The following PARPBP variants were observed in gnomAD, a reference collection of about 807,000 sequenced individuals.
The protein encoded by PARPBP is PARP1 binding protein.
PARPBP carries 52 observed loss-of-function variants against 50.0 expected under a neutral mutation model. The observed-to-expected ratio is 1.04, with a 90% CI of 0.83 to 1.31. PARPBP has a LOEUF of 1.31. Among genes scored for constraint, PARPBP ranks in the 50% most tolerant of loss-of-function variants. PARPBP has a pLI of 0.00. For synonymous variants in PARPBP, 244 were observed against 232.1 expected (o/e 1.05, Z -0.47); for missense variants, 697 against 672.0 (o/e 1.04, Z -0.41).
chr12:102,124,886 T>C (rs1309534984), intron 2 of PARPBP, among the ~76,000 whole-genome samples: 1 of 152,268 alleles, frequency 6.6e-6, no homozygotes, highest in Non-Finnish European at 1.5e-5. Flanking sequence ...TGACAGATTT[T>C]AACCATTTCT....
intron 4 of PARPBP, among the ~76,000 whole-genome samples, chr12:102,159,418 C>T (rs914021541): frequency 6.6e-6 from 1 of 152,140 alleles, no homozygotes; most frequent in African/African-American, 2.4e-5. Flanking sequence ...TGAGCCACCG[C>T]ACCCAGCTGG....
chr12:102,193,826 T>C (rs1648629567), intron 9 of PARPBP, among the ~76,000 whole-genome samples: 1 of 152,064 alleles, frequency 6.6e-6, no homozygotes, highest in African/African-American at 2.4e-5. Context: ...GTTGCATTCA[T>C]AGGGATTCAT....
At chr12:102,142,088 C>G (rs921357425) in intron 2 of PARPBP, among the ~76,000 whole-genome samples, 1 of 152,198 alleles carries the variant, frequency 6.6e-6, no homozygotes, top group African/African-American at 2.4e-5. Context: ...TGTTTTCCAA[C>G]TTGGTTCCAT....
At chr12:102,139,571 G>A (rs1884222214) in intron 2 of PARPBP, among the ~76,000 whole-genome samples, 1 of 152,182 alleles carries the variant, frequency 6.6e-6, no homozygotes, top group African/African-American at 2.4e-5. Flanking sequence ...AGTTTTCAAA[G>A]GGAATGCTTC....
chr12:102,140,857 A>G (rs562026267), intron 2 of PARPBP, among the ~76,000 whole-genome samples: 2 of 152,202 alleles, frequency 1.3e-5, no homozygotes, highest in Non-Finnish European at 2.9e-5. Flanking sequence ...ACAGTCTGTT[A>G]GAATTTCTGT....
At chr12:102,195,169 G>A in intron 9 of PARPBP, 143 bp from the exon 10 acceptor site, 1 of 460,666 alleles carries the variant, frequency 2.2e-6, no homozygotes, top group Non-Finnish European at 3.8e-6. Context: ...AAATATAAAA[G>A]GTTAGAGAGA....
intron 2 of PARPBP, among the ~76,000 whole-genome samples, chr12:102,129,346 G>A (rs1423288235): frequency 6.6e-6 from 1 of 151,610 alleles, no homozygotes; most frequent in Non-Finnish European, 1.5e-5. Flanking sequence ...ATATATTTTG[G>A]ATATTAACCT....
intron 2 of PARPBP, among the ~76,000 whole-genome samples, chr12:102,135,805 T>G (rs1565857245): frequency 6.6e-6 from 1 of 152,192 alleles, no homozygotes. Flanking sequence ...TTAGCCTAGA[T>G]TTTCATTTTA....
chr12:102,192,278 A>G (rs974871397), intron 9 of PARPBP, among the ~76,000 whole-genome samples: 2 of 152,164 alleles, frequency 1.3e-5, no homozygotes, highest in Non-Finnish European at 1.5e-5. Flanking sequence ...TCTGCAGTTT[A>G]TATAACCTTG....
chr12:102,153,134 G>T (rs1416221264), intron 3 of PARPBP, among the ~76,000 whole-genome samples: 1 of 152,032 alleles, frequency 6.6e-6, no homozygotes, highest in African/African-American at 2.4e-5. Context: ...GACACCCATG[G>T]TTCCACCTGG....
chr12:102,148,160 T>C, intron 2 of PARPBP, 70 bp from the exon 3 acceptor site: 1 of 590,438 alleles, frequency 1.7e-6, no homozygotes, highest in Non-Finnish European at 2.8e-6. Context: ...ATTTCTTATC[T>C]CAGTTATAAG....
intron 3 of PARPBP, chr12:102,150,189 A>G (rs1313978883): frequency 1.5e-5 from 7 of 453,754 alleles, no homozygotes; most frequent in African/African-American, 1.4e-4. Flanking sequence ...ATGGTAGTAC[A>G]TGAAGTAGAA....
At chr12:102,140,388 G>A (rs1026756378) in intron 2 of PARPBP, among the ~76,000 whole-genome samples, 5 of 151,830 alleles carry the variant, frequency 3.3e-5, no homozygotes, top group African/African-American at 1.2e-4. Flanking sequence ...TTCTTTATTA[G>A]TCTTACTAGT....
chr12:102,173,356 G>A (rs113026812), intron 6 of PARPBP, among the ~76,000 whole-genome samples: 1 of 152,308 alleles, frequency 6.6e-6, no homozygotes, highest in African/African-American at 2.4e-5. Flanking sequence ...GCTGTCATCA[G>A]TTCTTTTCAA....
At chr12:102,192,935 A>G (rs1233008391) in intron 9 of PARPBP, among the ~76,000 whole-genome samples, 1 of 151,210 alleles carries the variant, frequency 6.6e-6, no homozygotes. Flanking sequence ...CTCAATATAC[A>G]AAGGGGGGGA....
chr12:102,152,408 A>G (rs77850367), intron 3 of PARPBP, among the ~76,000 whole-genome samples: 4,313 of 152,320 alleles, frequency 0.028, 176 homozygotes, highest in African/African-American at 0.087. Flanking sequence ...TGTAATGATG[A>G]AATTACTCAC....
chr12:102,121,764 G>A (rs778801903), intron 1 of PARPBP, among the ~76,000 whole-genome samples: 5 of 151,938 alleles, frequency 3.3e-5, no homozygotes, highest in East Asian at 1.9e-4. Context: ...GGTTGGTCTC[G>A]AACTCCTAAC....
chr12:102,131,062 C>T (rs937066921), intron 2 of PARPBP, among the ~76,000 whole-genome samples: 1 of 152,080 alleles, frequency 6.6e-6, no homozygotes, highest in Admixed American at 6.6e-5. Context: ...CAGTGGCTCA[C>T]GCCTATAATC....
At chr12:102,173,906 A>G (rs781225629) in intron 6 of PARPBP, among the ~76,000 whole-genome samples, 116 of 146,254 alleles carry the variant, frequency 7.9e-4, no homozygotes, top group Non-Finnish European at 1.6e-3. Context: ...TATGTTCTTC[A>G]GGGTATCTAG....
Sources: allele counts gnomAD v4.1 joint callset (sites outside exome capture counted in the v4.1 genomes callset), GRCh38; gene constraint gnomAD v4.1.1; transcripts MANE v1.5; gene names NCBI Gene and HGNC (gene_info 2026-07-23, HGNC 2026-07-21).